The following SLC4A4 variants were observed in gnomAD, a reference collection of about 807,000 sequenced individuals.
The protein encoded by SLC4A4 is electrogenic sodium bicarbonate cotransporter 1.
In SLC4A4, 27 loss-of-function variants were observed where a neutral mutation model predicts 111.5. The ratio of observed to expected loss-of-function variants is 0.24; its 90% confidence interval spans 0.18 to 0.33. The LOEUF is 0.33. SLC4A4 is among the 10% of genes least tolerant of loss of function. The pLI is 1.00. For synonymous variants in SLC4A4, 443 were observed against 463.4 expected (o/e 0.96, Z 0.57); for missense variants, 909 against 1,315.5 (o/e 0.69, Z 4.78).
At chr4:71,124,959 A>G (rs1487872271) in intron 2 of SLC4A4, among the ~76,000 whole-genome samples, 4 of 152,240 alleles carry the variant, frequency 2.6e-5, no homozygotes, top group African/African-American at 9.6e-5. Context: ...TACAGGAACT[A>G]TCTTTCAGAC....
intron 3 of SLC4A4, among the ~76,000 whole-genome samples, 159 bp downstream of exon 3, chr4:71,255,558 G>T (rs1287142226): frequency 2.0e-5 from 3 of 152,096 alleles, no homozygotes; most frequent in African/African-American, 7.2e-5. Flanking sequence ...TGCTTTGCTT[G>T]TACCAGCAGG....
chr4:71,559,296 C>G (rs1398137521), intron 22 of SLC4A4, among the ~76,000 whole-genome samples: 5 of 151,758 alleles, frequency 3.3e-5, no homozygotes, highest in Non-Finnish European at 5.9e-5. Flanking sequence ...AGTTATTCTT[C>G]AAGAGCAATT....
At chr4:71,336,543 C>G (rs1728447042) in intron 3 of SLC4A4, among the ~76,000 whole-genome samples, 1 of 152,094 alleles carries the variant, frequency 6.6e-6, no homozygotes, top group African/African-American at 2.4e-5. Context: ...ATAGTGCTTG[C>G]CTTCTTCCTG....
At chr4:71,288,766 A>G (rs1385896035) in intron 3 of SLC4A4, among the ~76,000 whole-genome samples, 1 of 152,098 alleles carries the variant, frequency 6.6e-6, no homozygotes, top group Non-Finnish European at 1.5e-5. Flanking sequence ...CTCATTTGAG[A>G]CATTTTGTGT....
At chr4:71,145,758 A>G (rs74641067) in intron 2 of SLC4A4, among the ~76,000 whole-genome samples, 111,519 of 151,976 alleles carry the variant, frequency 0.73, 42,641 homozygotes, top group Admixed American at 0.84. Context: ...GTATTCTCTG[A>G]TGGTAGTTTG....
intron 14 of SLC4A4, among the ~76,000 whole-genome samples, chr4:71,479,088 C>T (rs1406821146): frequency 6.6e-6 from 1 of 151,626 alleles, no homozygotes; most frequent in African/African-American, 2.4e-5. Context: ...AAAATAGCCT[C>T]AAAGGGATAG....
intron 20 of SLC4A4, among the ~76,000 whole-genome samples, chr4:71,550,931 C>G (rs888457971): frequency 1.3e-5 from 2 of 151,842 alleles, no homozygotes; most frequent in Non-Finnish European, 2.9e-5. Flanking sequence ...CCCCTTGACC[C>G]TAGCCAGCAA....
intron 2 of SLC4A4, among the ~76,000 whole-genome samples, chr4:71,246,566 G>T (rs559274702): frequency 4.6e-5 from 7 of 152,318 alleles, no homozygotes; most frequent in African/African-American, 1.7e-4. Flanking sequence ...TAAGTGGGAA[G>T]ACAGATGTCC....
At chr4:71,261,067 G>A (rs538862968) in intron 3 of SLC4A4, among the ~76,000 whole-genome samples, 20 of 152,232 alleles carry the variant, frequency 1.3e-4, no homozygotes, top group South Asian at 4.2e-4. Context: ...CTCACTAGGC[G>A]TTCTTTTGCT....
intron 1 of SLC4A4, among the ~76,000 whole-genome samples, chr4:71,080,343 C>A (rs950979099): frequency 2.6e-5 from 4 of 152,160 alleles, no homozygotes; most frequent in Admixed American, 2.0e-4. Context: ...TCCTAGATGT[C>A]AACTGATGGG....
chr4:71,350,207 CATT>C, intron 5 of SLC4A4, 135 bp downstream of exon 5: 2 of 881,922 alleles, frequency 2.3e-6, no homozygotes, highest in Non-Finnish European at 3.5e-6. Flanking sequence ...TGCATTATAA[CATT>C]AGTATGATTT....
chr4:71,472,661 G>C (rs1354429188), intron 13 of SLC4A4, 38 bp from the exon 14 acceptor site: 1 of 1,597,384 alleles, frequency 6.3e-7, no homozygotes, highest in Non-Finnish European at 8.6e-7. Context: ...TGTGTTCCAA[G>C]GAGGAGGAAT....
At chr4:71,239,975 T>C (rs1720078989) in intron 2 of SLC4A4, among the ~76,000 whole-genome samples, 1 of 152,196 alleles carries the variant, frequency 6.6e-6, no homozygotes, top group Non-Finnish European at 1.5e-5. Context: ...AGAATTGGTC[T>C]GTAGATGACA....
Position 71,122,237 on chromosome 4 carries a change from C to T in SLC4A4, c.-2+29445C>T, listed in dbSNP as rs575761407. Among the ~76,000 whole-genome samples the T allele has an allele frequency of 4.7e-5, 7 of 149,344 alleles. No homozygotes were observed. The East Asian group carries it at 7.9e-4, about 17-fold the overall frequency. ...CTGAGGCAGGAGAATTGCTTGAGCC[C>T]GGGAGACAGAGGTTGCAGTGAGCCG... On this transcript the variant is annotated intron_variant, in intron 2 of 26. Coordinates refer to the SLC4A4 transcript ENST00000649996.
intron 1 of SLC4A4, among the ~76,000 whole-genome samples, chr4:71,190,648 C>T (rs1745691587): frequency 1.3e-5 from 2 of 152,046 alleles, no homozygotes; most frequent in South Asian, 2.1e-4. Context: ...CATAGGAGTT[C>T]GAGGCTGTCA....
intron 1 of SLC4A4, among the ~76,000 whole-genome samples, chr4:71,193,460 ATG>A (rs1216678633): frequency 6.6e-6 from 1 of 152,170 alleles, no homozygotes; most frequent in African/African-American, 2.4e-5. Context: ...CGCCCGGCCC[ATG>A]TGGGAATTTC....
At chr4:71,168,052 A>G (rs1442493618) in intron 2 of SLC4A4, among the ~76,000 whole-genome samples, 2 of 151,850 alleles carry the variant, frequency 1.3e-5, no homozygotes, top group African/African-American at 4.8e-5. Context: ...GTAGGTGTAT[A>G]TATTTATAGG....
At position 71,427,984 on chromosome 4, in the gene SLC4A4, G is replaced by C. The variant is rs140862144; in HGVS notation, c.808-12632G>C. Among the ~76,000 whole-genome samples the C allele has an allele frequency of 5.6e-3, 857 of 152,220 alleles. 9 individuals are homozygous for C. Among genetic ancestry groups the C allele is most frequent in the South Asian group, 0.054 (259 of 4,828 alleles). Reference sequence around the variant, plus strand: ...TACTGTAAGAGAAAGAAGTCAGCTTGCTTCCTGTCTTCATGACACTTTAAT... The same window carrying C: ...TACTGTAAGAGAAAGAAGTCAGCTTCCTTCCTGTCTTCATGACACTTTAAT... On this transcript the variant is annotated intron_variant, in intron 7 of 25. Transcript: ENST00000264485.
At chr4:71,156,992 T>C (rs1308150416) in intron 2 of SLC4A4, among the ~76,000 whole-genome samples, 1 of 152,202 alleles carries the variant, frequency 6.6e-6, no homozygotes, top group East Asian at 1.9e-4. Flanking sequence ...ATGTTTCATG[T>C]TCGAGAAAGG....
Sources: allele counts gnomAD v4.1 joint callset (sites outside exome capture counted in the v4.1 genomes callset), GRCh38; gene constraint gnomAD v4.1.1; transcripts MANE v1.5; gene names NCBI Gene and HGNC (gene_info 2026-07-23, HGNC 2026-07-21).